Variants in ERBB4 observed in about 807,000 individuals in gnomAD.
ERBB4 encodes erb-b2 receptor tyrosine kinase 4, also known as receptor tyrosine-protein kinase erbB-4.
A neutral mutation model predicts 158.0 loss-of-function variants in ERBB4; 42 were observed. That is an observed-to-expected ratio of 0.27 (90% CI 0.21 to 0.34). The LOEUF is 0.34. ERBB4 is among the 10% of genes least tolerant of loss of function. The probability of loss-of-function intolerance (pLI) is 1.00; values close to 1 mark genes in which losing one functional copy is unlikely to be tolerated. For synonymous variants in ERBB4, 583 were observed against 558.7 expected (o/e 1.04, Z -0.61); for missense variants, 1,333 against 1,624.1 (o/e 0.82, Z 3.08).
chr2:212,358,320 G>A (rs13006832), intron 1 of ERBB4, among the ~76,000 whole-genome samples: 42,658 of 151,178 alleles, frequency 0.28, 6,342 homozygotes, highest in South Asian at 0.35. Flanking sequence ...TAAACAGCAA[G>A]CAGCATTTTG....
At chr2:211,747,782 C>G (rs2075017216) in intron 5 of ERBB4, among the ~76,000 whole-genome samples, 2 of 151,500 alleles carry the variant, frequency 1.3e-5, no homozygotes, top group African/African-American at 4.8e-5. Context: ...ACTCATATAT[C>G]TCAATCTGAG....
intron 1 of ERBB4, among the ~76,000 whole-genome samples, chr2:212,461,853 C>T (rs1304513618): frequency 2.0e-5 from 3 of 152,158 alleles, no homozygotes; most frequent in Non-Finnish European, 4.4e-5. Context: ...GAATAAGTCT[C>T]ATGAGATCTG....
intron 20 of ERBB4, among the ~76,000 whole-genome samples, chr2:211,476,051 CA>C (rs968292939): frequency 2.0e-5 from 3 of 151,790 alleles, no homozygotes; most frequent in Non-Finnish European, 2.9e-5. Flanking sequence ...AAGGGAGTTC[CA>C]AAAAAAGAGA....
intron 1 of ERBB4, among the ~76,000 whole-genome samples, chr2:212,196,938 C>G (rs969407186): frequency 1.3e-5 from 2 of 152,146 alleles, no homozygotes; most frequent in East Asian, 1.9e-4. Context: ...TCACGCCTCA[C>G]CCGTGCTGGG....
At chr2:212,113,106 G>A (rs376105940) in intron 2 of ERBB4, among the ~76,000 whole-genome samples, 1 of 152,122 alleles carries the variant, frequency 6.6e-6, no homozygotes, top group Non-Finnish European at 1.5e-5. Flanking sequence ...TAAGGGTGGG[G>A]ATGAAAATAC....
intron 2 of ERBB4, among the ~76,000 whole-genome samples, chr2:212,096,600 A>T (rs1401740730): frequency 6.6e-6 from 1 of 152,236 alleles, no homozygotes; most frequent in African/African-American, 2.4e-5. Context: ...CTCACATAGT[A>T]TACATGTCAT....
chr2:212,129,762 T>C (rs926943507), intron 1 of ERBB4, among the ~76,000 whole-genome samples: 1 of 152,066 alleles, frequency 6.6e-6, no homozygotes, highest in Non-Finnish European at 1.5e-5. Context: ...AAAACAAAAT[T>C]AGATTAATCA....
chr2:211,826,559 A>C (rs944485872), intron 3 of ERBB4, among the ~76,000 whole-genome samples: 1 of 151,850 alleles, frequency 6.6e-6, no homozygotes, highest in East Asian at 1.9e-4. Flanking sequence ...AAGGGAGTAG[A>C]TCTCTGTCTG....
intron 1 of ERBB4, among the ~76,000 whole-genome samples, chr2:212,260,293 C>A (rs888634196): frequency 1.3e-5 from 2 of 151,908 alleles, no homozygotes; most frequent in Non-Finnish European, 2.9e-5. Flanking sequence ...GGAAAAGAAA[C>A]AAAAGAGTAG....
At chr2:212,044,910 C>G (rs10192379) in intron 2 of ERBB4, among the ~76,000 whole-genome samples, 135,910 of 151,920 alleles carry the variant, frequency 0.89, 62,463 homozygotes, top group East Asian at 1. Flanking sequence ...GGGATAGATA[C>G]GATTTCAGTA....
At chr2:211,451,602 G>A (rs1444993130) in intron 20 of ERBB4, among the ~76,000 whole-genome samples, 1 of 152,140 alleles carries the variant, frequency 6.6e-6, no homozygotes, top group Non-Finnish European at 1.5e-5. Flanking sequence ...GGAAGTGGTG[G>A]GGAGGGAACA....
In ERBB4 at chr2:211,697,250, A is replaced by AGAT. The variant is rs2073062131; in HGVS notation, c.1489+4714_1489+4716dup. Among the ~76,000 whole-genome samples, 3 of 152,270 alleles carry AGAT rather than the reference A, an allele frequency of 2.0e-5. No individual in the cohort carries two copies. The South Asian group carries it at 6.2e-4, about 32-fold the overall frequency. ...CTGATCAGCTAAAGTCAAAAAGGAGAGATGGCTTGTTTAATAAATTATTTT... is the reference window on the plus strand; with the variant it reads ...CTGATCAGCTAAAGTCAAAAAGGAGAGATGATGGCTTGTTTAATAAATTATTTT... On this transcript the variant is annotated intron_variant, in intron 12 of 27. Coordinates refer to ENST00000342788, the MANE Select transcript of ERBB4 (RefSeq NM_005235.3).
chr2:211,535,160 T>C (rs995040209), intron 20 of ERBB4, among the ~76,000 whole-genome samples: 3 of 152,054 alleles, frequency 2.0e-5, no homozygotes, highest in African/African-American at 7.2e-5. Context: ...AAAATTATAG[T>C]ATGTGGCACC....
chr2:211,930,321 CAGTGGTTCTA>C (rs1215078620), intron 3 of ERBB4, among the ~76,000 whole-genome samples: 1 of 152,120 alleles, frequency 6.6e-6, no homozygotes, highest in African/African-American at 2.4e-5. Context: ...AAAACTTTTA[CAGTGGTTCTA>C]AGCAATGTGA....
chr2:212,020,519 T>C lies in ERBB4; in HGVS notation c.235-72903A>G, dbSNP rs1187961508. On this transcript the variant is annotated intron_variant, in intron 2 of 27. Transcript: ENST00000342788. ...TTTTTAAGCTAGGTTAACTTATATA[T>C]CTATTGGTATATACGTTTGCTCTTT... Among the ~76,000 whole-genome samples, 5 of 152,100 alleles carry C rather than the reference T, an allele frequency of 3.3e-5. 1 individual carries two copies. The highest frequency in any genetic ancestry group is 3.3e-4 in the Admixed American group (5 of 15,260).
At chr2:212,270,165 A>T (rs1056699530) in intron 1 of ERBB4, among the ~76,000 whole-genome samples, 3 of 151,984 alleles carry the variant, frequency 2.0e-5, no homozygotes, top group Middle Eastern at 3.4e-3. Flanking sequence ...CACTTAAAAG[A>T]TAATATTGTT....
intron 1 of ERBB4, among the ~76,000 whole-genome samples, chr2:212,250,243 T>G (rs1411215608): frequency 6.6e-6 from 1 of 152,016 alleles, no homozygotes; most frequent in Non-Finnish European, 1.5e-5. Context: ...TTTCATTCAT[T>G]GCTACCTGCT....
At chr2:211,983,185 G>T (rs2081851966) in intron 2 of ERBB4, among the ~76,000 whole-genome samples, 1 of 152,146 alleles carries the variant, frequency 6.6e-6, no homozygotes, top group South Asian at 2.1e-4. Flanking sequence ...AAGTTAGAAA[G>T]CTGTATTAGA....
chr2:212,167,683 A>T (rs1244349147), intron 1 of ERBB4, among the ~76,000 whole-genome samples: 2 of 152,164 alleles, frequency 1.3e-5, no homozygotes, highest in East Asian at 1.9e-4. Flanking sequence ...AAGTCATGGA[A>T]CCAACACAAA....
Sources: gnomAD v4.1 joint callset for allele counts (sites outside exome capture counted in the v4.1 genomes callset) on GRCh38, gnomAD v4.1.1 for gene constraint, MANE v1.5 for transcripts, NCBI Gene and HGNC (gene_info 2026-07-23, HGNC 2026-07-21) for gene names.